Variants in IL1RAPL2 observed in about 807,000 individuals in gnomAD.
IL1RAPL2 encodes X-linked interleukin-1 receptor accessory protein-like 2.
IL1RAPL2 carries 3 observed loss-of-function variants against 44.1 expected under a neutral mutation model. That is an observed-to-expected ratio of 0.07 (90% CI 0.03 to 0.18). The LOEUF (loss-of-function observed/expected upper bound fraction) is 0.18. IL1RAPL2 is among the 10% of genes least tolerant of loss of function. The pLI is 1.00. For missense variants in IL1RAPL2, 391 were observed against 496.4 expected (o/e 0.79, Z 2.02); for synonymous variants, 181 against 178.8 (o/e 1.01, Z -0.10).
Position 104,592,369 on chromosome X carries a change from C to T in IL1RAPL2, c.-20+25318C>T, listed in dbSNP as rs73635149. On this transcript the variant is annotated intron_variant, in intron 1 of 10. Transcript: ENST00000372582. ...CTACATTGTGCTTATCAGTTGCCTG[C>T]AAAGGAAAATTTGAGACTGTCTACT... Among the ~76,000 whole-genome samples, 778 of 110,240 alleles carry T rather than the reference C, an allele frequency of 7.1e-3. 3 individuals are homozygous for T. Among genetic ancestry groups the T allele is most frequent in the African/African-American group, 0.024 (739 of 30,343 alleles).
intron 5 of IL1RAPL2, among the ~76,000 whole-genome samples, chrX:105,409,614 A>T (rs906822982): frequency 9.0e-6 from 1 of 111,465 alleles, no homozygotes; most frequent in Non-Finnish European, 1.9e-5. Context: ...TCTGAATGCC[A>T]TGAAGGAGCC....
intron 2 of IL1RAPL2, among the ~76,000 whole-genome samples, chrX:104,673,927 G>A (rs1236501044): frequency 9.1e-6 from 1 of 110,496 alleles, no homozygotes; most frequent in Non-Finnish European, 1.9e-5. Context: ...AAGAATGCTT[G>A]TGATTTTTGT....
intron 6 of IL1RAPL2, among the ~76,000 whole-genome samples, chrX:105,692,776 G>C (rs1007393509): frequency 9.0e-6 from 1 of 110,879 alleles, no homozygotes; most frequent in African/African-American, 3.3e-5. Context: ...GGGGGCTATC[G>C]TAGGGTATTA....
At chrX:104,826,094 T>C (rs1921442706) in intron 2 of IL1RAPL2, among the ~76,000 whole-genome samples, 1 of 112,232 alleles carries the variant, frequency 8.9e-6, no homozygotes, top group African/African-American at 3.2e-5. Flanking sequence ...TTGGAATATT[T>C]CTGAGGATAC....
chrX:104,823,829 G>T (rs1433576746), intron 2 of IL1RAPL2, among the ~76,000 whole-genome samples: 1 of 112,085 alleles, frequency 8.9e-6, no homozygotes, highest in East Asian at 2.8e-4. Context: ...CATGTCATCT[G>T]CAAACAGGGA....
At chrX:105,167,233 C>T (rs1237679828) in intron 2 of IL1RAPL2, among the ~76,000 whole-genome samples, 4 of 112,008 alleles carry the variant, frequency 3.6e-5, no homozygotes, top group Non-Finnish European at 7.5e-5. Context: ...TGGCCCAACA[C>T]TCTGTGATGA....
chrX:104,655,606 C>A (rs1457846418), intron 1 of IL1RAPL2, among the ~76,000 whole-genome samples: 2 of 111,955 alleles, frequency 1.8e-5, no homozygotes, highest in East Asian at 5.6e-4. Flanking sequence ...CATTAATGTT[C>A]ATCAGGGATA....
chrX:105,639,244 A>T (rs1418905389), intron 6 of IL1RAPL2, among the ~76,000 whole-genome samples: 6 of 111,646 alleles, frequency 5.4e-5, no homozygotes, highest in Admixed American at 3.8e-4. Flanking sequence ...ATTTGAAATC[A>T]TTTATTTCTT....
chrX:105,162,352 T>C (rs2033333329), intron 2 of IL1RAPL2, among the ~76,000 whole-genome samples: 1 of 112,164 alleles, frequency 8.9e-6, no homozygotes, highest in Non-Finnish European at 1.9e-5. Flanking sequence ...GAAAATCAAT[T>C]GCTTTACAAT....
chrX:104,634,392 A>C (rs1477814008), intron 1 of IL1RAPL2, among the ~76,000 whole-genome samples: 1 of 111,046 alleles, frequency 9.0e-6, no homozygotes, highest in Admixed American at 9.5e-5. Flanking sequence ...CAATTCCTGG[A>C]TATCCTTGTT....
chrX:105,336,091 CTGAGT>C (rs2035026461), intron 5 of IL1RAPL2, among the ~76,000 whole-genome samples: 1 of 111,884 alleles, frequency 8.9e-6, no homozygotes, highest in African/African-American at 3.2e-5. Flanking sequence ...CTGAAACTGA[CTGAGT>C]TAAGTTATAG....
chrX:105,312,310 A>G (rs944832725), intron 5 of IL1RAPL2, among the ~76,000 whole-genome samples: 3 of 112,152 alleles, frequency 2.7e-5, no homozygotes, highest in Non-Finnish European at 5.7e-5. Flanking sequence ...GGAAGTGTAC[A>G]TCATCTAATT....
intron 4 of IL1RAPL2, among the ~76,000 whole-genome samples, chrX:105,252,830 G>A (rs1218373436): frequency 1.8e-5 from 2 of 111,532 alleles, no homozygotes; most frequent in Non-Finnish European, 3.8e-5. Flanking sequence ...TAGGCTACAC[G>A]GTGGCAGAGC....
rs753527770 is a variant in IL1RAPL2 at position 105,088,579 on chromosome X, A to G, written c.83-106896A>G. ...TAAAGATCAAAACCTGGGGCAGGCT[A>G]TCGGTTATGCTATCTCTTATTTAAT... On this transcript the variant is annotated intron_variant, in intron 2 of 10. Transcript: ENST00000372582. Among the ~76,000 whole-genome samples the G allele has an allele frequency of 1.3e-4, 15 of 111,125 alleles. No individual in the cohort carries two copies. In the South Asian group the frequency reaches 1.9e-3, roughly 14 times the overall value.
intron 2 of IL1RAPL2, among the ~76,000 whole-genome samples, chrX:104,841,070 C>T (rs2147635294): frequency 9.0e-6 from 1 of 111,114 alleles, no homozygotes; most frequent in East Asian, 2.8e-4. Context: ...TCTGGGTGCT[C>T]CAGTATTGAG....
At chrX:105,428,347 C>T (rs1216410883) in intron 5 of IL1RAPL2, among the ~76,000 whole-genome samples, 1 of 111,706 alleles carries the variant, frequency 9.0e-6, no homozygotes, top group African/African-American at 3.3e-5. Flanking sequence ...GACTTATTCT[C>T]ATTTCCAGGT....
At chrX:105,264,735 C>T (rs1053996131) in intron 4 of IL1RAPL2, among the ~76,000 whole-genome samples, 4 of 111,831 alleles carry the variant, frequency 3.6e-5, no homozygotes, top group Admixed American at 1.9e-4. Context: ...GAATATTATT[C>T]CCATAAGCAA....
intron 6 of IL1RAPL2, among the ~76,000 whole-genome samples, chrX:105,487,904 A>C (rs1392263144): frequency 8.9e-6 from 1 of 112,353 alleles, no homozygotes; most frequent in Non-Finnish European, 1.9e-5. Flanking sequence ...TGAAGAATTC[A>C]GTAAGGTAAT....
intron 2 of IL1RAPL2, among the ~76,000 whole-genome samples, chrX:104,670,365 C>A (rs1283778077): frequency 9.0e-6 from 1 of 111,342 alleles, no homozygotes; most frequent in Non-Finnish European, 1.9e-5. Flanking sequence ...CTTATTCCAC[C>A]TTCTTCCACC....
Sources: gnomAD v4.1 joint callset for allele counts (sites outside exome capture counted in the v4.1 genomes callset) on GRCh38, gnomAD v4.1.1 for gene constraint, MANE v1.5 for transcripts, NCBI Gene and HGNC (gene_info 2026-07-23, HGNC 2026-07-21) for gene names.